ARR3: variants seen among roughly 807,000 people sequenced by gnomAD.
ARR3 encodes arrestin 3, also known as arrestin-C.
A neutral mutation model predicts 35.4 loss-of-function variants in ARR3; 14 were observed. The observed-to-expected ratio is 0.40, with a 90% CI of 0.26 to 0.62. The LOEUF (loss-of-function observed/expected upper bound fraction) is 0.62, where lower values mean the gene tolerates loss of function less well. Among genes scored for constraint, ARR3 ranks in the 20% least tolerant of loss-of-function variants. The probability of loss-of-function intolerance (pLI) is 0.46; values close to 1 mark genes in which losing one functional copy is unlikely to be tolerated. For synonymous variants in ARR3, 97 were observed against 119.1 expected, an observed-to-expected ratio of 0.81 and a Z score of 1.21; for missense variants, 259 against 303.8, an observed-to-expected ratio of 0.85 and a Z score of 1.10.
chrX:70,279,841 G>A (rs1278838551), intron 12 of ARR3, among the ~76,000 whole-genome samples: 2 of 112,072 alleles, frequency 1.8e-5, no homozygotes, highest in Non-Finnish European at 3.8e-5. Context: ...AATCCACATG[G>A]CATGTTCTGA....
chrX:70,271,791 A>G (rs912319508), intron 5 of ARR3, among the ~76,000 whole-genome samples: 1 of 112,049 alleles, frequency 8.9e-6, no homozygotes, highest in African/African-American at 3.2e-5. Flanking sequence ...GTATTTTCTG[A>G]TGTTCAGACA....
intron 7 of ARR3, 67 bp from the exon 8 acceptor site, chrX:70,276,602 T>C (rs1183959309): frequency 2.5e-6 from 3 of 1,176,909 alleles, no homozygotes. Context: ...AGGCATTTTC[T>C]TATAGGCCCA....
intron 8 of ARR3, 49 bp from the exon 9 acceptor site, chrX:70,277,345 G>T: frequency 2.5e-6 from 3 of 1,189,581 alleles, no homozygotes; most frequent in Non-Finnish European, 3.4e-6. Flanking sequence ...GGAGAGGTCT[G>T]TGGGTCTGAA....
rs1012272055 is a variant in ARR3 at position 70,278,216 on chromosome X, G to T, written c.767+78G>T. 24 of 931,722 alleles carry T rather than the reference G, an allele frequency of 2.6e-5. No homozygotes were observed. In the African/African-American group the frequency reaches 4.5e-4, roughly 17 times the overall value. The allele number at this position is 931,722 out of a possible 1,213,427, so 76.8% of individuals were successfully genotyped here. A position where few individuals can be genotyped will look rare whatever the true frequency, so the allele number is the denominator to read the frequency against. On this transcript the variant is annotated intron_variant, in intron 11 of 16. Transcript: ENST00000307959. ...AGAGGTCCAGGAGGCAGTTGAGGGG[G>T]TAGAGTGGGGGAGAAGAGTGGTGGA...
At chrX:70,278,210 G>C (rs1312967980) in intron 11 of ARR3, 72 bp downstream of exon 11, 14 of 970,520 alleles carry the variant, frequency 1.4e-5, no homozygotes, top group Non-Finnish European at 2.0e-5. Flanking sequence ...GGAGGCAGTT[G>C]AGGGGGTAGA....
intron 5 of ARR3, among the ~76,000 whole-genome samples, chrX:70,272,606 G>T (rs2085634123): frequency 8.9e-6 from 1 of 111,890 alleles, no homozygotes; most frequent in African/African-American, 3.2e-5. Flanking sequence ...TAAGTGCCTA[G>T]AAGAGGAATT....
intron 8 of ARR3, among the ~76,000 whole-genome samples, chrX:70,276,941 T>C (rs1375997155): frequency 8.9e-6 from 1 of 111,951 alleles, no homozygotes. Flanking sequence ...AAAAAAGAAA[T>C]ATTTGGCTTT....
chrX:70,269,343 T>C lies in ARR3; in HGVS notation c.-30-13T>C, dbSNP rs1250546474. Reference sequence around the variant, plus strand: ...ATGAAATGATTGAGCCTTTCTTCTTTCCCTTTTCCCAGAAAAGGCTCAACA... The same window carrying C: ...ATGAAATGATTGAGCCTTTCTTCTTCCCCTTTTCCCAGAAAAGGCTCAACA... On this transcript the variant is annotated splice_polypyrimidine_tract_variant and intron_variant, in intron 1 of 16. Coordinates refer to ENST00000307959, the MANE Select transcript of ARR3 (RefSeq NM_004312.3). 1 of 1,198,954 alleles carries C rather than the reference T, an allele frequency of 8.3e-7. No individual in the cohort carries two copies. Among genetic ancestry groups the C allele is most frequent in the African/African-American group, 1.8e-5 (1 of 56,492 alleles).
chrX:70,279,971 T>C (rs1271890436), intron 12 of ARR3, among the ~76,000 whole-genome samples: 1 of 111,613 alleles, frequency 9.0e-6, no homozygotes, highest in African/African-American at 3.3e-5. Flanking sequence ...GTAGTTGTTA[T>C]ATTCAAAAGG....
At chrX:70,272,591 C>G (rs1457670580) in intron 5 of ARR3, among the ~76,000 whole-genome samples, 1 of 112,058 alleles carries the variant, frequency 8.9e-6, no homozygotes, top group East Asian at 2.8e-4. Context: ...TCAATTATTT[C>G]TTTCTAAGTG....
At chrX:70,278,192 G>A in intron 11 of ARR3, 54 bp downstream of exon 11, 1 of 1,070,094 alleles carries the variant, frequency 9.3e-7, no homozygotes, top group Non-Finnish European at 1.3e-6. Context: ...GTGGTGGGAA[G>A]AGGTCCAGGA....
At chrX:70,278,223 G>C (rs1016997645) in intron 11 of ARR3, 85 bp downstream of exon 11, 40 of 890,116 alleles carry the variant, frequency 4.5e-5, no homozygotes, top group Non-Finnish European at 6.1e-5. Context: ...GGGGTAGAGT[G>C]GGGGAGAAGA....
intron 5 of ARR3, 99 bp from the exon 6 acceptor site, chrX:70,275,983 C>A: frequency 1.0e-6 from 1 of 979,064 alleles, no homozygotes; most frequent in South Asian, 2.2e-5. Context: ...AGCCAGCCTT[C>A]GATCATATTA....
rs765599243 is a variant in ARR3 at position 70,278,502 on chromosome X, A to G, written c.768-2A>G. ...AATTCTTCTCTTGTTCTTCTTTTGT[A>G]GGGAGACTGTAGCTGCTAATTCCAG... On this transcript the variant is annotated splice_acceptor_variant, in intron 11 of 16. Coordinates refer to ENST00000307959, the MANE Select transcript of ARR3 (RefSeq NM_004312.3). LOFTEE classifies it high-confidence loss of function. 1.5e-5 allele frequency: 18 copies of G among 1,207,880 alleles called. No individual in the cohort carries two copies. The East Asian group carries it at 5.3e-4, about 36-fold the overall frequency.
At chrX:70,275,213 AGTAT>A (rs2085647039) in intron 5 of ARR3, among the ~76,000 whole-genome samples, 1 of 112,644 alleles carries the variant, frequency 8.9e-6, no homozygotes, top group Non-Finnish European at 1.9e-5. Context: ...TCCCACCAGC[AGTAT>A]GTAAGAACTC....
intron 5 of ARR3, among the ~76,000 whole-genome samples, chrX:70,272,079 T>C (rs955890753): frequency 1.8e-5 from 2 of 109,487 alleles, no homozygotes; most frequent in East Asian, 5.7e-4. Context: ...TAGATCCCCT[T>C]CTGCCTCGCC....
At chrX:70,276,870 C>A in intron 8 of ARR3, 134 bp downstream of exon 8, 1 of 561,039 alleles carries the variant, frequency 1.8e-6, no homozygotes, top group Non-Finnish European at 2.8e-6. Context: ...GTTCTGAGTC[C>A]CCTCTGACTT....
chrX:70,276,180 G>A lies in ARR3; in HGVS notation c.244G>A (p.Val82Met), dbSNP rs201248948. The A allele has an allele frequency of 1.9e-5, 23 of 1,210,163 alleles. 1 individual carries two copies. Among genetic ancestry groups the A allele is most frequent in the African/African-American group, 1.2e-4 (7 of 57,233 alleles). The change falls in exon 6 of 17, where the codon GTG (valine) becomes ATG (methionine). Residue 82 changes from valine (V) to methionine (M), a missense_variant. Transcript: ENST00000307959. ...RKDLYVQTLQ[V>M]VPAESSSPQG... is the part of the protein sequence containing the mutation. ...AGATCTGTATGTGCAGACCCTGCAA[G>A]TGGTCCCAGCTGAATCCAGCAGCCC...
Position 70,276,162 on chromosome X carries a change from T to C in ARR3, c.226T>C (p.Tyr76His). 8.3e-7 allele frequency: 1 copy of C among 1,211,667 alleles called. No homozygotes were observed. ...TGGTCTGACGTTCCGAAAAGATCTG[T>C]ATGTGCAGACCCTGCAAGTGGTCCC... ...VIGLTFRKDL[Y>H]VQTLQVVPAE... Residue 76 changes from tyrosine (Y) to histidine (H), a missense_variant, in exon 6 of 17, where the codon TAT (tyrosine) becomes CAT (histidine). By Grantham distance (83) the Tyr-to-His change is moderately conservative (BLOSUM62 2). Transcript: ENST00000307959.
Sources: allele counts gnomAD v4.1 joint callset (sites outside exome capture counted in the v4.1 genomes callset), GRCh38; gene constraint gnomAD v4.1.1; transcripts MANE v1.5; gene names NCBI Gene and HGNC (gene_info 2026-07-23, HGNC 2026-07-21).